ARHGAP10: variants seen among roughly 807,000 people sequenced by gnomAD.
ARHGAP10 encodes the protein Rho GTPase activating protein 10.
In ARHGAP10, 87 loss-of-function variants were observed where a neutral mutation model predicts 108.6. The ratio of observed to expected loss-of-function variants is 0.80; its 90% CI spans 0.67 to 0.96. ARHGAP10 has a LOEUF of 0.96. ARHGAP10 is among the 40% of genes least tolerant of loss of function. The pLI, the probability that ARHGAP10 is intolerant of heterozygous loss-of-function variation, is 0.00. For missense variants in ARHGAP10, 939 were observed against 954.5 expected, an observed-to-expected ratio of 0.98 and a Z score of 0.21; for synonymous variants, 347 against 341.1, an observed-to-expected ratio of 1.02 and a Z score of -0.19.
chr4:148,053,650 C>G (rs573948444), intron 20 of ARHGAP10, among the ~76,000 whole-genome samples: 2 of 152,288 alleles, frequency 1.3e-5, no homozygotes, highest in South Asian at 4.1e-4. Flanking sequence ...TGGCCATCTA[C>G]CATCACATTG....
intron 18 of ARHGAP10, among the ~76,000 whole-genome samples, chr4:147,989,511 G>T (rs959891945): frequency 1.3e-5 from 2 of 152,160 alleles, no homozygotes; most frequent in African/African-American, 4.8e-5. Flanking sequence ...GGGGGGACCA[G>T]TTCAGAGACC....
At chr4:147,735,384 G>A (rs1194311960) in intron 1 of ARHGAP10, among the ~76,000 whole-genome samples, 1 of 152,210 alleles carries the variant, frequency 6.6e-6, no homozygotes, top group Non-Finnish European at 1.5e-5. Context: ...GTATGTTAGA[G>A]TGGAGGAGGT....
intron 10 of ARHGAP10, among the ~76,000 whole-genome samples, chr4:147,889,531 C>G (rs2126883709): frequency 6.6e-6 from 1 of 152,234 alleles, no homozygotes; most frequent in African/African-American, 2.4e-5. Context: ...AACTCCTGAC[C>G]TCAGGTGATC....
chr4:147,847,369 G>A, intron 4 of ARHGAP10, 147 bp downstream of exon 4: 1 of 757,448 alleles, frequency 1.3e-6, no homozygotes, highest in Non-Finnish European at 2.1e-6. Flanking sequence ...CCCTTTGGGG[G>A]ATATGGAATT....
chr4:148,031,548 A>C (rs1411816138), intron 19 of ARHGAP10, among the ~76,000 whole-genome samples: 2 of 152,224 alleles, frequency 1.3e-5, no homozygotes, highest in Non-Finnish European at 2.9e-5. Context: ...GCTGAACATA[A>C]GGGCAACTGT....
chr4:147,971,962 G>C (rs1330170976), intron 18 of ARHGAP10, among the ~76,000 whole-genome samples: 8 of 152,106 alleles, frequency 5.3e-5, no homozygotes, highest in African/African-American at 1.9e-4. Context: ...CCGGGGACTG[G>C]GTTTGTAAGG....
At chr4:147,808,235 G>T (rs1731865248) in intron 1 of ARHGAP10, among the ~76,000 whole-genome samples, 1 of 152,090 alleles carries the variant, frequency 6.6e-6, no homozygotes, top group African/African-American at 2.4e-5. Context: ...TATGCAGGTT[G>T]TATGTGGGTT....
intron 22 of ARHGAP10, among the ~76,000 whole-genome samples, chr4:148,067,250 A>G (rs1431179835): frequency 6.6e-6 from 1 of 152,234 alleles, no homozygotes; most frequent in Non-Finnish European, 1.5e-5. Flanking sequence ...CACTTCTTCA[A>G]AGGGTACAGT....
chr4:147,798,089 T>C (rs1731390987), intron 1 of ARHGAP10, among the ~76,000 whole-genome samples: 1 of 152,226 alleles, frequency 6.6e-6, no homozygotes, highest in Non-Finnish European at 1.5e-5. Context: ...CCCTGTACTC[T>C]CCTGTAAACA....
At chr4:147,886,976 T>G (rs974981617) in intron 10 of ARHGAP10, among the ~76,000 whole-genome samples, 1 of 152,038 alleles carries the variant, frequency 6.6e-6, no homozygotes, top group African/African-American at 2.4e-5. Flanking sequence ...AGTTTCACCT[T>G]GAACTCCTGA....
chr4:147,789,424 G>A (rs192592694), intron 1 of ARHGAP10, among the ~76,000 whole-genome samples: 60 of 152,228 alleles, frequency 3.9e-4, no homozygotes, highest in Non-Finnish European at 7.5e-4. Flanking sequence ...TGGGTAGCTC[G>A]TATTACAGGC....
At chr4:147,832,684 G>A (rs1163207540) in intron 3 of ARHGAP10, among the ~76,000 whole-genome samples, 1 of 149,568 alleles carries the variant, frequency 6.7e-6, no homozygotes, top group East Asian at 2.0e-4. Context: ...AGCTCATTGA[G>A]GGTGGAGTTT....
At chr4:147,739,765 C>T (rs1437629031) in intron 1 of ARHGAP10, among the ~76,000 whole-genome samples, 8 of 142,640 alleles carry the variant, frequency 5.6e-5, no homozygotes, top group African/African-American at 1.6e-4. Flanking sequence ...GACGGAGTTT[C>T]GCTTTTGTTG....
Position 147,754,338 on chromosome 4 carries a change from C to T in ARHGAP10, c.154+21883C>T, listed in dbSNP as rs1319548205. ...CTATTGTAGTTCCTCTTGCAAATTCCTGCTGAGTACTTTGATGCACAGGAG... is the reference window on the plus strand; with the variant it reads ...CTATTGTAGTTCCTCTTGCAAATTCTTGCTGAGTACTTTGATGCACAGGAG... On this transcript the variant is annotated intron_variant, in intron 1 of 22. Transcript: ENST00000336498. 2.6e-5 allele frequency among the ~76,000 whole-genome samples: 4 copies of T among 152,150 alleles called. No homozygotes were observed. The South Asian group carries it at 6.2e-4, about 24-fold the overall frequency.
At chr4:148,046,808 A>C (rs879359081) in intron 19 of ARHGAP10, 84 bp from the exon 20 acceptor site, 13 of 1,333,232 alleles carry the variant, frequency 9.8e-6, no homozygotes, top group Admixed American at 2.1e-5. Context: ...TTGATTGACT[A>C]ATCAAGTAAC....
intron 13 of ARHGAP10, among the ~76,000 whole-genome samples, chr4:147,921,923 T>C (rs1015615865): frequency 1.3e-5 from 2 of 152,148 alleles, no homozygotes; most frequent in Non-Finnish European, 2.9e-5. Flanking sequence ...CTAACATTAC[T>C]GTGCAGCCAC....
intron 3 of ARHGAP10, among the ~76,000 whole-genome samples, chr4:147,833,660 T>C (rs1431563400): frequency 6.6e-6 from 1 of 152,232 alleles, no homozygotes; most frequent in Non-Finnish European, 1.5e-5. Context: ...GGATACATGA[T>C]GAAAACATAC....
intron 1 of ARHGAP10, among the ~76,000 whole-genome samples, chr4:147,752,097 A>T (rs1267625185): frequency 1.3e-5 from 2 of 151,884 alleles, no homozygotes; most frequent in Non-Finnish European, 2.9e-5. Context: ...ATTGGCCAGG[A>T]TGGTCTTGAT....
At chr4:147,900,828 A>ACAG (rs1452030861) in intron 10 of ARHGAP10, among the ~76,000 whole-genome samples, 10 of 151,646 alleles carry the variant, frequency 6.6e-5, no homozygotes, top group Admixed American at 3.9e-4. Context: ...TTCAACAACA[A>ACAG]CAACAACAAC....
Sources: gnomAD v4.1 joint callset for allele counts (sites outside exome capture counted in the v4.1 genomes callset) on GRCh38, gnomAD v4.1.1 for gene constraint, MANE v1.5 for transcripts, NCBI Gene and HGNC (gene_info 2026-07-23, HGNC 2026-07-21) for gene names.